The following GABRA3 variants were observed in gnomAD, a reference collection of about 807,000 sequenced individuals.
The protein encoded by GABRA3 is gamma-aminobutyric acid type A receptor subunit alpha3.
A neutral mutation model predicts 30.1 loss-of-function variants in GABRA3; 10 were observed. The observed-to-expected ratio is 0.33, with a 90% CI of 0.20 to 0.56. The LOEUF (loss-of-function observed/expected upper bound fraction) is 0.56, where lower values mean the gene tolerates loss of function less well. Ranked by LOEUF, GABRA3 falls within the 20% of genes least tolerant of loss-of-function variation. The pLI is 0.89. For missense variants in GABRA3, 233 were observed against 392.0 expected (o/e 0.59, Z 3.42); for synonymous variants, 151 against 146.8 (o/e 1.03, Z -0.21).
At chrX:152,436,367 T>G (rs1357261378) in intron 1 of GABRA3, among the ~76,000 whole-genome samples, 1 of 112,057 alleles carries the variant, frequency 8.9e-6, no homozygotes, top group Admixed American at 9.5e-5. Context: ...CTTTATTGTT[T>G]GGGTAGCTGC....
Position 152,208,853 on chromosome X carries a change from C to T in GABRA3, c.635-709G>A, listed in dbSNP as rs761110983. On this transcript the variant is annotated intron_variant, in intron 6 of 9. Transcript: ENST00000370314. ...GCTGGCTCCATGCTTCTTGTACAGC[C>T]CCCCATAACCATGAACCAAATAAAA... Among the ~76,000 whole-genome samples the T allele has an allele frequency of 2.9e-3, 319 of 111,512 alleles. 1 individual carries two copies. Among genetic ancestry groups the T allele is most frequent in the Non-Finnish European group, 4.6e-3 (247 of 53,129 alleles).
intron 5 of GABRA3, among the ~76,000 whole-genome samples, chrX:152,233,776 G>A (rs1458061680): frequency 1.9e-5 from 2 of 104,227 alleles, no homozygotes; most frequent in East Asian, 3.1e-4. Flanking sequence ...ATTCACAATA[G>A]CAAAGACTTG....
At chrX:152,199,180 C>A (rs1220238297) in intron 7 of GABRA3, among the ~76,000 whole-genome samples, 10 of 109,719 alleles carry the variant, frequency 9.1e-5, no homozygotes, top group African/African-American at 6.6e-5. Flanking sequence ...TCCTGGCTAA[C>A]ATGGTGAAAC....
intron 1 of GABRA3, among the ~76,000 whole-genome samples, chrX:152,383,352 G>A (rs754000121): frequency 5.9e-5 from 5 of 85,231 alleles, no homozygotes; most frequent in South Asian, 6.7e-4. Flanking sequence ...TCACGCCACC[G>A]CACTCCAGCC....
chrX:152,307,951 C>G (rs1236776865), intron 3 of GABRA3, among the ~76,000 whole-genome samples: 1 of 112,368 alleles, frequency 8.9e-6, no homozygotes, highest in Non-Finnish European at 1.9e-5. Flanking sequence ...AGAATGGCTA[C>G]AGTGGAGCAC....
At chrX:152,249,286 A>G (rs1346696993) in intron 5 of GABRA3, among the ~76,000 whole-genome samples, 1 of 111,416 alleles carries the variant, frequency 9.0e-6, no homozygotes, top group Non-Finnish European at 1.9e-5. Context: ...AGTGCCATCA[A>G]TGTTACCTCT....
chrX:152,446,932 C>T (rs923667269), intron 1 of GABRA3, among the ~76,000 whole-genome samples: 2 of 112,059 alleles, frequency 1.8e-5, no homozygotes, highest in African/African-American at 6.5e-5. Flanking sequence ...TACTCCAACA[C>T]AACTAGCCTC....
intron 9 of GABRA3, among the ~76,000 whole-genome samples, chrX:152,177,220 T>C (rs1352551906): frequency 9.0e-6 from 1 of 111,535 alleles, no homozygotes; most frequent in Non-Finnish European, 1.9e-5. Context: ...CACATATCAG[T>C]TAAAACAGGA....
chrX:152,294,517 A>G (rs1485362298), intron 3 of GABRA3, among the ~76,000 whole-genome samples: 1 of 111,402 alleles, frequency 9.0e-6, no homozygotes, highest in Admixed American at 9.6e-5. Flanking sequence ...TATTCTAGTT[A>G]GCCATTCATC....
At chrX:152,239,307 A>T (rs1266605041) in intron 5 of GABRA3, among the ~76,000 whole-genome samples, 1 of 107,640 alleles carries the variant, frequency 9.3e-6, no homozygotes, top group Non-Finnish European at 1.9e-5. Context: ...AGAGGCTTTG[A>T]GTGAGATTCT....
intron 6 of GABRA3, among the ~76,000 whole-genome samples, chrX:152,211,045 C>A (rs1937624573): frequency 1.8e-5 from 2 of 110,777 alleles, no homozygotes; most frequent in African/African-American, 6.6e-5. Context: ...TGGGGTACCC[C>A]TACTCCTAAG....
Position 152,329,791 on chromosome X carries a change from G to A in GABRA3, c.262+15790C>T, listed in dbSNP as rs148618514. 7.8e-3 allele frequency among the ~76,000 whole-genome samples: 873 copies of A among 111,653 alleles called. 11 individuals are homozygous for A. Among genetic ancestry groups the A allele is most frequent in the African/African-American group, 0.027 (837 of 30,684 alleles). ...CCATTCAGGACACAGGCATGGGCAA[G>A]GACTTGATGACTAAAACACCAAAAG... is the stretch of plus-strand genomic sequence containing the variant. On this transcript the variant is annotated intron_variant, in intron 3 of 9. Coordinates refer to ENST00000370314, the MANE Select transcript of GABRA3 (RefSeq NM_000808.4).
At chrX:152,270,863 A>T (rs111303674) in intron 4 of GABRA3, among the ~76,000 whole-genome samples, 9,029 of 109,256 alleles carry the variant, frequency 0.083, 822 homozygotes, top group African/African-American at 0.26. Context: ...TTAAAAAAAA[A>T]AAAAAGACAG....
chrX:152,425,881 A>C (rs1254084803), intron 1 of GABRA3, among the ~76,000 whole-genome samples: 1 of 110,525 alleles, frequency 9.0e-6, no homozygotes, highest in Non-Finnish European at 1.9e-5. Flanking sequence ...CCTCATCTCA[A>C]TTTGCATGGC....
At chrX:152,378,898 G>C (rs1012435458) in intron 1 of GABRA3, among the ~76,000 whole-genome samples, 1 of 111,253 alleles carries the variant, frequency 9.0e-6, no homozygotes, top group Non-Finnish European at 1.9e-5. Flanking sequence ...TTTACTAGAA[G>C]TAATGAGAAA....
chrX:152,258,894 T>C (rs11798362), intron 4 of GABRA3, among the ~76,000 whole-genome samples: 22,253 of 111,047 alleles, frequency 0.2, 2,417 homozygotes, highest in African/African-American at 0.42. Context: ...CACAAAAAAG[T>C]ACCTTCATAG....
chrX:152,264,678 G>A (rs978218136), intron 4 of GABRA3, among the ~76,000 whole-genome samples: 12 of 110,952 alleles, frequency 1.1e-4, no homozygotes, highest in Admixed American at 9.6e-5. Context: ...TTGACTAAAT[G>A]CTATAATAAA....
chrX:152,297,097 A>G (rs186815558), intron 3 of GABRA3, among the ~76,000 whole-genome samples: 145 of 111,901 alleles, frequency 1.3e-3, no homozygotes, highest in African/African-American at 4.2e-3. Context: ...TTAAGAGATC[A>G]CAATCACCAC....
chrX:152,432,563 A>C (rs772157286), intron 1 of GABRA3, among the ~76,000 whole-genome samples: 1 of 111,641 alleles, frequency 9.0e-6, no homozygotes, highest in South Asian at 3.7e-4. Context: ...CAAACAAAAA[A>C]CAAAACTAAA....
Sources: gnomAD v4.1 joint callset for allele counts (sites outside exome capture counted in the v4.1 genomes callset) on GRCh38, gnomAD v4.1.1 for gene constraint, MANE v1.5 for transcripts, NCBI Gene and HGNC (gene_info 2026-07-23, HGNC 2026-07-21) for gene names.